GRM8: variants seen among roughly 807,000 people sequenced by gnomAD.
The protein encoded by GRM8 is glutamate metabotropic receptor 8.
GRM8 carries 47 observed loss-of-function variants against 87.2 expected under a neutral mutation model. The ratio of observed to expected loss-of-function variants is 0.54; its 90% confidence interval spans 0.43 to 0.69. GRM8 has a LOEUF of 0.69. GRM8 is among the 30% of genes least tolerant of loss of function. The pLI is 0.00. For missense variants in GRM8, 1,019 were observed against 1,139.2 expected (o/e 0.89, Z 1.52); for synonymous variants, 396 against 404.5 (o/e 0.98, Z 0.25).
At chr7:126,609,078 C>A (rs995155208) in intron 8 of GRM8, among the ~76,000 whole-genome samples, 2 of 152,062 alleles carry the variant, frequency 1.3e-5, no homozygotes, top group African/African-American at 2.4e-5. Flanking sequence ...ACAAAGATTA[C>A]AACAAATGAC....
At position 126,691,987 on chromosome 7, in the gene GRM8, G is replaced by C. The variant is rs548170170; in HGVS notation, c.1357+77878C>G. On this transcript the variant is annotated intron_variant, in intron 7 of 10. Transcript: ENST00000339582. ...CATTTAGGTCTGAGCATGAAGGACT[G>C]TATGGAGTTCTTTCTCAATGGCAAG... 3.9e-5 allele frequency among the ~76,000 whole-genome samples: 6 copies of C among 152,306 alleles called. No homozygotes were observed. In the South Asian group the frequency reaches 1.2e-3, roughly 32 times the overall value.
At chr7:126,962,399 T>A (rs1809412064) in intron 3 of GRM8, among the ~76,000 whole-genome samples, 1 of 152,218 alleles carries the variant, frequency 6.6e-6, no homozygotes, top group South Asian at 2.1e-4. Flanking sequence ...AAAAATAAGA[T>A]TATAGCACCA....
At chr7:126,538,041 A>T (rs1490701568) in intron 8 of GRM8, among the ~76,000 whole-genome samples, 1 of 152,198 alleles carries the variant, frequency 6.6e-6, no homozygotes, top group Admixed American at 6.5e-5. Flanking sequence ...GGATAGTTAT[A>T]TAGATAGATC....
At chr7:127,073,190 G>A (rs1821900526) in intron 3 of GRM8, among the ~76,000 whole-genome samples, 1 of 152,230 alleles carries the variant, frequency 6.6e-6, no homozygotes, top group Admixed American at 6.5e-5. Context: ...AAGTACTGGA[G>A]GGACCTAGAA....
At chr7:126,692,601 A>C (rs1480309060) in intron 7 of GRM8, among the ~76,000 whole-genome samples, 1 of 152,246 alleles carries the variant, frequency 6.6e-6, no homozygotes, top group Non-Finnish European at 1.5e-5. Flanking sequence ...TAATGGAAAA[A>C]TACTACAGCA....
At chr7:126,868,245 G>A (rs1183127406) in intron 6 of GRM8, among the ~76,000 whole-genome samples, 4 of 152,258 alleles carry the variant, frequency 2.6e-5, no homozygotes, top group Non-Finnish European at 5.9e-5. Flanking sequence ...AGGCTGGGAA[G>A]AACACGGCAA....
At chr7:127,130,589 G>T (rs1827634949) in intron 2 of GRM8, among the ~76,000 whole-genome samples, 1 of 152,172 alleles carries the variant, frequency 6.6e-6, no homozygotes, top group Non-Finnish European at 1.5e-5. Flanking sequence ...TGAGAAACAT[G>T]ATTTAGTGTA....
intron 10 of GRM8, among the ~76,000 whole-genome samples, chr7:126,445,868 T>C (rs1801960341): frequency 6.6e-6 from 1 of 152,006 alleles, no homozygotes; most frequent in Non-Finnish European, 1.5e-5. Context: ...AGCTTTGTAA[T>C]GCTTCAAAAG....
intron 6 of GRM8, among the ~76,000 whole-genome samples, chr7:126,825,186 C>T (rs1343703920): frequency 1.3e-5 from 2 of 152,062 alleles, no homozygotes; most frequent in Admixed American, 1.3e-4. Flanking sequence ...TCCTGCCCAG[C>T]CTCCTGAGTA....
chr7:126,801,692 G>T (rs1222832280), intron 6 of GRM8, among the ~76,000 whole-genome samples: 1 of 151,998 alleles, frequency 6.6e-6, no homozygotes, highest in Non-Finnish European at 1.5e-5. Context: ...CAGAGGGGAG[G>T]GAGAGGGAGA....
chr7:126,672,927 A>C (rs1447794396), intron 7 of GRM8, among the ~76,000 whole-genome samples: 2 of 152,060 alleles, frequency 1.3e-5, no homozygotes, highest in Admixed American at 1.3e-4. Context: ...GTGCCCCCTT[A>C]TCAGGCGAAA....
intron 7 of GRM8, among the ~76,000 whole-genome samples, chr7:126,640,199 T>G (rs1017137609): frequency 6.6e-6 from 1 of 152,192 alleles, no homozygotes; most frequent in African/African-American, 2.4e-5. Context: ...TCAATATAAT[T>G]AATCAGAACC....
At chr7:126,701,430 G>A (rs79912364) in intron 7 of GRM8, among the ~76,000 whole-genome samples, 98 of 152,230 alleles carry the variant, frequency 6.4e-4, no homozygotes, top group African/African-American at 2.2e-3. Flanking sequence ...CTTATCTCAT[G>A]GTTCTTAAAT....
chr7:127,223,154 C>T (rs1028000806), intron 2 of GRM8, among the ~76,000 whole-genome samples: 4 of 151,958 alleles, frequency 2.6e-5, no homozygotes, highest in South Asian at 2.1e-4. Context: ...AAGAAGACAC[C>T]GAAAGGTGGG....
chr7:126,943,890 C>T (rs1807244626), intron 3 of GRM8, among the ~76,000 whole-genome samples: 2 of 152,176 alleles, frequency 1.3e-5, no homozygotes, highest in Non-Finnish European at 1.5e-5. Flanking sequence ...AAGGCATAGC[C>T]TTAATATTTT....
chr7:126,497,559 C>T (rs1808947106), intron 9 of GRM8, among the ~76,000 whole-genome samples: 1 of 151,942 alleles, frequency 6.6e-6, no homozygotes, highest in Non-Finnish European at 1.5e-5. Context: ...TGGAACTGCC[C>T]TGCCTGGACA....
chr7:126,937,579 G>T (rs760712924), intron 3 of GRM8, among the ~76,000 whole-genome samples: 6 of 152,188 alleles, frequency 3.9e-5, no homozygotes, highest in Non-Finnish European at 7.3e-5. Context: ...AAGGACAATG[G>T]ACAGGGAGTT....
intron 2 of GRM8, among the ~76,000 whole-genome samples, chr7:127,239,470 G>A (rs1168411039): frequency 2.0e-5 from 3 of 152,186 alleles, no homozygotes; most frequent in Non-Finnish European, 4.4e-5. Flanking sequence ...TTTAGATTCT[G>A]TGGGTCTTTT....
At chr7:126,565,495 G>T (rs2150970802) in intron 8 of GRM8, among the ~76,000 whole-genome samples, 1 of 152,094 alleles carries the variant, frequency 6.6e-6, no homozygotes, top group East Asian at 1.9e-4. Flanking sequence ...CTAAGGAGAT[G>T]AAAGACTTAT....
Sources: gnomAD v4.1 joint callset for allele counts (sites outside exome capture counted in the v4.1 genomes callset) on GRCh38, gnomAD v4.1.1 for gene constraint, MANE v1.5 for transcripts, NCBI Gene and HGNC (gene_info 2026-07-23, HGNC 2026-07-21) for gene names.